The following PARD3B variants were observed in gnomAD, a reference collection of about 807,000 sequenced individuals.
PARD3B encodes the protein partitioning defective 3 homolog B.
A neutral mutation model predicts 130.2 loss-of-function variants in PARD3B; 103 were observed. The ratio of observed to expected loss-of-function variants is 0.79; its 90% confidence interval spans 0.67 to 0.93. PARD3B has a LOEUF of 0.93. PARD3B is among the 40% of genes least tolerant of loss of function. The pLI, the probability that PARD3B is intolerant of heterozygous loss-of-function variation, is 0.00. For synonymous variants in PARD3B, 583 were observed against 553.2 expected (o/e 1.05, Z -0.76); for missense variants, 1,609 against 1,499.2 (o/e 1.07, Z -1.21).
chr2:204,584,130 C>T (rs1246652651), intron 1 of PARD3B, among the ~76,000 whole-genome samples: 1 of 152,180 alleles, frequency 6.6e-6, no homozygotes, highest in Non-Finnish European at 1.5e-5. Flanking sequence ...ATGAATTTAC[C>T]AATCTTAGTG....
chr2:204,995,176 C>T (rs912916731), intron 3 of PARD3B, among the ~76,000 whole-genome samples: 2 of 152,190 alleles, frequency 1.3e-5, no homozygotes, highest in Non-Finnish European at 2.9e-5. Context: ...TTCCTAGTCT[C>T]AATGGTCTTT....
At chr2:204,552,717 G>A (rs1269634397) in intron 1 of PARD3B, among the ~76,000 whole-genome samples, 1 of 152,104 alleles carries the variant, frequency 6.6e-6, no homozygotes, top group Non-Finnish European at 1.5e-5. Flanking sequence ...TCCTACATGT[G>A]GCTTGCCAAT....
chr2:204,663,856 G>T (rs1305833191), intron 1 of PARD3B, among the ~76,000 whole-genome samples: 1 of 152,208 alleles, frequency 6.6e-6, no homozygotes, highest in Non-Finnish European at 1.5e-5. Context: ...ATATACGGTT[G>T]CATTATTATA....
At chr2:205,103,452 AG>A (rs1390633378) in intron 4 of PARD3B, among the ~76,000 whole-genome samples, 5 of 151,268 alleles carry the variant, frequency 3.3e-5, no homozygotes, top group Non-Finnish European at 7.4e-5. Context: ...AATTAAAAAA[AG>A]ATAACCTAAT....
chr2:204,726,035 A>G (rs190916832), intron 2 of PARD3B, among the ~76,000 whole-genome samples: 432 of 152,322 alleles, frequency 2.8e-3, no homozygotes, highest in Non-Finnish European at 3.8e-3. Context: ...GGCTATTAAC[A>G]TTAACTAACA....
At chr2:205,271,068 G>A (rs1332807477) in intron 16 of PARD3B, among the ~76,000 whole-genome samples, 3 of 152,094 alleles carry the variant, frequency 2.0e-5, no homozygotes, top group African/African-American at 2.4e-5. Context: ...GCCACTAAAA[G>A]GAACTTTACC....
chr2:204,913,431 G>A (rs1243396700), intron 2 of PARD3B, among the ~76,000 whole-genome samples: 1 of 152,150 alleles, frequency 6.6e-6, no homozygotes, highest in Non-Finnish European at 1.5e-5. Flanking sequence ...GTGCAAAAGT[G>A]CTTAGAACCA....
At chr2:205,131,755 A>C (rs4297860) in intron 10 of PARD3B, among the ~76,000 whole-genome samples, 1 of 152,202 alleles carries the variant, frequency 6.6e-6, no homozygotes, top group Non-Finnish European at 1.5e-5. Context: ...GTACTAAAGT[A>C]CAATAAGACC....
intron 2 of PARD3B, among the ~76,000 whole-genome samples, chr2:204,691,216 T>C (rs576152148): frequency 1.3e-5 from 2 of 152,242 alleles, no homozygotes; most frequent in East Asian, 3.9e-4. Context: ...TTATTAATTT[T>C]TGGCTGGGTT....
intron 5 of PARD3B, among the ~76,000 whole-genome samples, chr2:205,110,634 G>T (rs28457665): frequency 8.2e-4 from 86 of 104,552 alleles, no homozygotes; most frequent in African/African-American, 2.1e-3. Flanking sequence ...TCTGTTTTTT[G>T]TTTTTTGTTT....
rs540868598 is a variant in PARD3B at position 204,907,068 on chromosome 2, C to A, written c.223-58084C>A. On this transcript the variant is annotated intron_variant, in intron 2 of 22. Transcript: ENST00000406610. This position sits in a 1 kb window ranked among gnomAD's most constrained non-coding sequence, Gnocchi z 5.7. ...CGATCTCGGCTCACTGTAACCTCCACCTCCCGGGTTGTAGCAATTCTCCTG... is the reference window on the plus strand; with the variant it reads ...CGATCTCGGCTCACTGTAACCTCCAACTCCCGGGTTGTAGCAATTCTCCTG... 2.0e-5 allele frequency among the ~76,000 whole-genome samples: 3 copies of A among 151,990 alleles called. No individual in the cohort carries two copies. Among genetic ancestry groups the A allele is most frequent in the Admixed American group, 6.6e-5 (1 of 15,256 alleles).
chr2:204,899,101 T>C (rs1307164756), intron 2 of PARD3B, among the ~76,000 whole-genome samples: 1 of 152,104 alleles, frequency 6.6e-6, no homozygotes, highest in African/African-American at 2.4e-5. Context: ...TTAGCCCATT[T>C]ACATTCAGTG....
intron 3 of PARD3B, among the ~76,000 whole-genome samples, chr2:205,022,394 G>A (rs1288223584): frequency 3.3e-5 from 5 of 152,104 alleles, no homozygotes; most frequent in Admixed American, 6.6e-5. Context: ...TCATTCTAGC[G>A]AAACCAACTT....
At chr2:204,709,154 T>A (rs556366690) in intron 2 of PARD3B, among the ~76,000 whole-genome samples, 15 of 152,260 alleles carry the variant, frequency 9.9e-5, no homozygotes, top group African/African-American at 2.9e-4. Flanking sequence ...GAAAAAAAAA[T>A]TCCGTTTCCA....
intron 18 of PARD3B, among the ~76,000 whole-genome samples, chr2:205,318,072 T>A (rs558160098): frequency 6.6e-6 from 1 of 152,322 alleles, no homozygotes; most frequent in Non-Finnish European, 1.5e-5. Flanking sequence ...CAACTTTGAT[T>A]GCAGACAAAC....
chr2:204,875,537 A>G (rs1241433049), intron 2 of PARD3B, among the ~76,000 whole-genome samples: 1 of 152,150 alleles, frequency 6.6e-6, no homozygotes, highest in African/African-American at 2.4e-5. Context: ...TTTCCAACCA[A>G]TTCCGACATC....
Position 205,418,490 on chromosome 2 carries a change from G to A in PARD3B, c.2741+17367G>A, listed in dbSNP as rs111796506. 3.1e-3 allele frequency among the ~76,000 whole-genome samples: 465 copies of A among 152,158 alleles called. 4 individuals carry two copies. Among genetic ancestry groups the A allele is most frequent in the Admixed American group, 6.4e-3 (98 of 15,274 alleles). ...AGCTAACTATGATAAATGCTGAAAG[G>A]GGGTTTAAAAATGCTATATGATCAC... On this transcript the variant is annotated intron_variant, in intron 19 of 22. Coordinates refer to ENST00000406610, the MANE Select transcript of PARD3B (RefSeq NM_001302769.2).
At chr2:205,057,040 CTT>C (rs1295685166) in intron 4 of PARD3B, among the ~76,000 whole-genome samples, 2 of 151,374 alleles carry the variant, frequency 1.3e-5, no homozygotes, top group Non-Finnish European at 3.0e-5. Context: ...TTCTAAATGT[CTT>C]GAGTCAAAAT....
At chr2:204,980,502 A>G (rs1692568490) in intron 3 of PARD3B, among the ~76,000 whole-genome samples, 1 of 152,212 alleles carries the variant, frequency 6.6e-6, no homozygotes. Context: ...GATACTGAAA[A>G]AGAAAATGAG....
Sources: allele counts gnomAD v4.1 joint callset (sites outside exome capture counted in the v4.1 genomes callset), GRCh38; gene constraint gnomAD v4.1.1; non-coding constraint Gnocchi (gnomAD v3.1); transcripts MANE v1.5; gene names NCBI Gene and HGNC (gene_info 2026-07-23, HGNC 2026-07-21).